EML1: variants seen among roughly 807,000 people sequenced by gnomAD.
The protein encoded by EML1 is EMAP like 1.
EML1 carries 27 observed loss-of-function variants against 110.4 expected under a neutral mutation model. The observed-to-expected ratio is 0.24, with a 90% confidence interval of 0.18 to 0.34. The LOEUF is 0.34. Among genes scored for constraint, EML1 ranks in the 10% least tolerant of loss-of-function variants. The probability of loss-of-function intolerance (pLI) is 1.00; values close to 1 mark genes in which losing one functional copy is unlikely to be tolerated. For missense variants in EML1, 741 were observed against 1,030.9 expected (o/e 0.72, Z 3.85); for synonymous variants, 344 against 385.8 (o/e 0.89, Z 1.27).
chr14:99,801,014 CCT>C (rs988494196), intron 1 of EML1, among the ~76,000 whole-genome samples: 2 of 152,204 alleles, frequency 1.3e-5, no homozygotes, highest in African/African-American at 4.8e-5. Flanking sequence ...TGACTGGCCC[CCT>C]GAGGCCAGCG....
At position 99,939,147 on chromosome 14, in the gene EML1, C is replaced by T. The variant is rs1286544846; in HGVS notation, c.2192-50C>T. On this transcript the variant is annotated intron_variant, in intron 20 of 21. Transcript: ENST00000262233. This position sits in a 1 kb window ranked among gnomAD's most constrained non-coding sequence, Gnocchi z 4.2. The stretch of plus-strand genomic sequence containing the variant: ...AGTGGGCGCTTCCTGCGCCATGTGG[C>T]CCTGTGGCCCCTGGTGTTTCCAGCG... 5.0e-6 allele frequency: 8 copies of T among 1,603,850 alleles called. No individual in the cohort carries two copies. The highest frequency in any genetic ancestry group is 6.8e-6 in the Non-Finnish European group (8 of 1,174,770).
At chr14:99,786,858 G>T (rs568590363) in intron 1 of EML1, among the ~76,000 whole-genome samples, 14 of 152,342 alleles carry the variant, frequency 9.2e-5, no homozygotes, top group African/African-American at 2.6e-4. Flanking sequence ...ATGAAGCAGG[G>T]CTGGGTAAAC....
At chr14:99,753,378 G>A (rs529039483) in intron 1 of EML1, among the ~76,000 whole-genome samples, 52 of 151,852 alleles carry the variant, frequency 3.4e-4, no homozygotes, top group Non-Finnish European at 6.0e-4. Context: ...GGGGTCAAGC[G>A]GATCCCTGTG....
chr14:99,908,071 G>A (rs2059885229), intron 10 of EML1, among the ~76,000 whole-genome samples: 1 of 152,224 alleles, frequency 6.6e-6, no homozygotes, highest in South Asian at 2.1e-4. Context: ...CACGGCACGT[G>A]GAGGCCCGGA....
chr14:99,759,138 G>T (rs2057287951), intron 1 of EML1, among the ~76,000 whole-genome samples: 1 of 152,206 alleles, frequency 6.6e-6, no homozygotes, highest in Admixed American at 6.5e-5. Flanking sequence ...GCAAACACTG[G>T]GCTGGTAGTC....
chr14:99,767,962 C>T (rs1344501502), upstream of EML1, among the ~76,000 whole-genome samples: 1 of 152,212 alleles, frequency 6.6e-6, no homozygotes, highest in Non-Finnish European at 1.5e-5. Flanking sequence ...GAGCTGGCCT[C>T]AAGAAATCCT....
chr14:99,916,092 G>A (rs2060030643), intron 15 of EML1, among the ~76,000 whole-genome samples: 1 of 152,226 alleles, frequency 6.6e-6, no homozygotes, highest in African/African-American at 2.4e-5. Context: ...GAGGGCTGAA[G>A]GCAATGACAG....
At chr14:99,753,188 C>G (rs1226990789) in intron 1 of EML1, among the ~76,000 whole-genome samples, 1 of 59,982 alleles carries the variant, frequency 1.7e-5, no homozygotes, top group African/African-American at 5.2e-5. Flanking sequence ...CCCCTACCCG[C>G]ACCCCCCGCC....
Position 99,914,547 on chromosome 14 carries a change from T to C in EML1, c.1621-19T>C. ...CTGTAGTATCTCAGAGCGCTTCTGTTTGTCTTGGTTATTTGTAGGGTCACA... is the reference window on the plus strand; with the variant it reads ...CTGTAGTATCTCAGAGCGCTTCTGTCTGTCTTGGTTATTTGTAGGGTCACA... On this transcript the variant is annotated intron_variant, in intron 14 of 21. Coordinates refer to ENST00000262233, the MANE Select transcript of EML1 (RefSeq NM_004434.3). 1 of 1,579,534 alleles carries C rather than the reference T, an allele frequency of 6.3e-7. No individual in the cohort carries two copies. The highest frequency in any genetic ancestry group is 2.1e-5 in the Admixed American group (1 of 48,644).
At chr14:99,852,135 G>A (rs180778523) in intron 2 of EML1, among the ~76,000 whole-genome samples, 66 of 152,256 alleles carry the variant, frequency 4.3e-4, no homozygotes, top group African/African-American at 1.4e-3. Context: ...GAAATAAAAC[G>A]CCTCCTAACA....
At chr14:99,802,928 C>T (rs1454357416) in intron 1 of EML1, among the ~76,000 whole-genome samples, 1 of 152,124 alleles carries the variant, frequency 6.6e-6, no homozygotes, top group Non-Finnish European at 1.5e-5. Context: ...CCCTCCCTCC[C>T]ACTTTAGCAC....
At chr14:99,814,756 A>G (rs990080117) in intron 1 of EML1, among the ~76,000 whole-genome samples, 26 of 152,214 alleles carry the variant, frequency 1.7e-4, no homozygotes, top group African/African-American at 6.0e-4. Context: ...CATGCAGCCA[A>G]TAAGACATCT....
chr14:99,868,693 T>G (rs1216512468), intron 3 of EML1, among the ~76,000 whole-genome samples: 1 of 152,174 alleles, frequency 6.6e-6, no homozygotes, highest in Non-Finnish European at 1.5e-5. Context: ...TTAAATTTTC[T>G]GTCTTTCTTT....
chr14:99,743,202 G>GGGGCTCAGGCTGGATTCCC (rs1208803297), intron 1 of EML1, among the ~76,000 whole-genome samples: 6 of 152,206 alleles, frequency 3.9e-5, no homozygotes, highest in Non-Finnish European at 8.8e-5. Context: ...ATGGTGAGCT[G>GGGGCTCAGGCTGGATTCCC]GGGCTCAGGC....
At chr14:99,779,299 C>T (rs55998309) in intron 1 of EML1, among the ~76,000 whole-genome samples, 19,578 of 151,940 alleles carry the variant, frequency 0.13, 1,502 homozygotes, top group East Asian at 0.37. Context: ...TGTATTTCTA[C>T]GGCCATATTT....
chr14:99,814,959 A>G (rs578239849), intron 1 of EML1, among the ~76,000 whole-genome samples: 5 of 152,230 alleles, frequency 3.3e-5, no homozygotes, highest in Non-Finnish European at 7.4e-5. Context: ...TCAGAGAGGG[A>G]AATGGAATTA....
At chr14:99,739,694 G>A (rs566803291) in intron 1 of EML1, among the ~76,000 whole-genome samples, 1 of 152,336 alleles carries the variant, frequency 6.6e-6, no homozygotes, top group African/African-American at 2.4e-5. Context: ...GCTGGCAGGA[G>A]TAAAGGCGGC....
rs1011040536 is a variant in EML1 at position 99,781,162 on chromosome 14, C to T, written c.-27+7149C>T. Reference sequence around the variant, plus strand: ...CTGGCCGCCTCCCTTCTCCTTGACTCGTCCCCAGCTTCTAATTCTTTCCTC... The same window carrying T: ...CTGGCCGCCTCCCTTCTCCTTGACTTGTCCCCAGCTTCTAATTCTTTCCTC... On this transcript the variant is annotated intron_variant, in intron 1 of 22. Coordinates refer to the EML1 transcript ENST00000327921. This position sits in a 1 kb window ranked among gnomAD's most constrained non-coding sequence, Gnocchi z 4.2. Among the ~76,000 whole-genome samples, 2 of 152,030 alleles carry T rather than the reference C, an allele frequency of 1.3e-5. No homozygotes were observed. The highest frequency in any genetic ancestry group is 4.8e-5 in the African/African-American group (2 of 41,388).
At chr14:99,897,839 A>G (rs1472172555) in intron 7 of EML1, among the ~76,000 whole-genome samples, 1 of 152,114 alleles carries the variant, frequency 6.6e-6, no homozygotes, top group Non-Finnish European at 1.5e-5. Flanking sequence ...GAAGAGATGG[A>G]TTTATATATT....
Sources: gnomAD v4.1 joint callset for allele counts (sites outside exome capture counted in the v4.1 genomes callset) on GRCh38, gnomAD v4.1.1 for gene constraint, Gnocchi (gnomAD v3.1) non-coding constraint, MANE v1.5 for transcripts, NCBI Gene and HGNC (gene_info 2026-07-23, HGNC 2026-07-21) for gene names.